The following LYPD6 variants were observed in gnomAD, a reference collection of about 807,000 sequenced individuals.
LYPD6 encodes ly6/PLAUR domain-containing protein 6.
Under a neutral mutation model 22.7 loss-of-function variants are expected in LYPD6, and 15 were observed. The observed-to-expected ratio is 0.66, with a 90% CI of 0.44 to 1.02. The LOEUF is 1.02. Among genes scored for constraint, LYPD6 ranks in the 50% least tolerant of loss-of-function variants. The pLI is 0.00. For missense variants in LYPD6, 189 were observed against 208.4 expected (o/e 0.91, Z 0.57); for synonymous variants, 72 against 77.5 (o/e 0.93, Z 0.37).
intron 3 of LYPD6, chr2:149,464,215 G>A: frequency 5.6e-6 from 2 of 359,288 alleles, no homozygotes; most frequent in African/African-American, 2.3e-5. Context: ...AAGTTAAGAA[G>A]GACTAAGACA....
intron 3 of LYPD6, among the ~76,000 whole-genome samples, chr2:149,450,613 G>A (rs1683784105): frequency 6.6e-6 from 1 of 152,118 alleles, no homozygotes. Context: ...CTGAGTAATC[G>A]AAAATAAGTT....
chr2:149,482,193 T>G, the LYPD6 span, among the ~76,000 whole-genome samples: 1 of 152,228 alleles, frequency 6.6e-6, no homozygotes, highest in Non-Finnish European at 1.5e-5. Context: ...TTTTTAAATT[T>G]TGCCACATTT....
intron 1 of LYPD6, among the ~76,000 whole-genome samples, chr2:149,418,459 A>G (rs556424033): frequency 3.5e-4 from 53 of 152,240 alleles, no homozygotes; most frequent in Non-Finnish European, 7.1e-4. Context: ...AGAAGTTGAA[A>G]TGGGGGACAT....
intron 1 of LYPD6, among the ~76,000 whole-genome samples, chr2:149,404,693 ACTTCCTCTTTTCGTATTTGAATACC>A (rs1435126827): frequency 2.6e-5 from 4 of 152,138 alleles, no homozygotes; most frequent in African/African-American, 9.7e-5. Context: ...GGACAATTTG[ACTTCCTCTTTTCGTATTTGAATACC>A]CTTTATTTCC....
chr2:149,445,793 G>C (rs528229976), intron 2 of LYPD6, among the ~76,000 whole-genome samples: 1 of 152,292 alleles, frequency 6.6e-6, no homozygotes, highest in African/African-American at 2.4e-5. Context: ...CAGCAAAAAG[G>C]CTGTTCTACA....
chr2:149,434,595 T>C (rs751423080), intron 1 of LYPD6, among the ~76,000 whole-genome samples: 32 of 152,192 alleles, frequency 2.1e-4, no homozygotes, highest in Non-Finnish European at 4.6e-4. Context: ...TTATCACTCA[T>C]CTCTTATGGC....
intron 1 of LYPD6, among the ~76,000 whole-genome samples, chr2:149,362,975 G>C (rs948339617): frequency 6.6e-6 from 1 of 152,160 alleles, no homozygotes; most frequent in Non-Finnish European, 1.5e-5. Flanking sequence ...GAGGGTCAAT[G>C]ATCTGCTTCA....
chr2:149,406,835 C>G (rs1354991466), intron 1 of LYPD6, among the ~76,000 whole-genome samples: 2 of 152,188 alleles, frequency 1.3e-5, no homozygotes, highest in Non-Finnish European at 2.9e-5. Flanking sequence ...CCTCAATGGT[C>G]TTTACAATTT....
At chr2:149,383,336 C>G (rs1682110460) in intron 1 of LYPD6, among the ~76,000 whole-genome samples, 1 of 152,118 alleles carries the variant, frequency 6.6e-6, no homozygotes, top group Non-Finnish European at 1.5e-5. Flanking sequence ...ATAAACTTAA[C>G]CACATCTTTT....
intron 1 of LYPD6, among the ~76,000 whole-genome samples, chr2:149,429,228 G>T (rs891884495): frequency 6.6e-6 from 1 of 152,306 alleles, no homozygotes; most frequent in African/African-American, 2.4e-5. Context: ...TCCAAAGATG[G>T]ACCTCCCTCC....
intron 2 of LYPD6, chr2:149,440,340 A>G (rs374576039): frequency 7.6e-4 from 125 of 164,552 alleles, no homozygotes; most frequent in African/African-American, 2.9e-3. Context: ...AAAAGAATCA[A>G]ATTGTTCCTA....
At chr2:149,353,262 G>A (rs1308989720) in intron 1 of LYPD6, among the ~76,000 whole-genome samples, 1 of 152,158 alleles carries the variant, frequency 6.6e-6, no homozygotes, top group Non-Finnish European at 1.5e-5. Flanking sequence ...CTCACCTAGA[G>A]ACAACTTAGA....
At chr2:149,367,117 G>T (rs923685206) in intron 1 of LYPD6, among the ~76,000 whole-genome samples, 1 of 151,900 alleles carries the variant, frequency 6.6e-6, no homozygotes, top group East Asian at 1.9e-4. Flanking sequence ...ATAACAAATT[G>T]CCACAAGTAA....
intron 1 of LYPD6, among the ~76,000 whole-genome samples, chr2:149,378,555 T>C (rs1445645181): frequency 6.6e-6 from 1 of 152,262 alleles, no homozygotes; most frequent in Non-Finnish European, 1.5e-5. Flanking sequence ...ATGTCTCTTA[T>C]CTGTAAGGTG....
chr2:149,464,248 G>A, intron 3 of LYPD6: 1 of 309,806 alleles, frequency 3.2e-6, no homozygotes, highest in South Asian at 2.9e-5. Flanking sequence ...GAGAAGATTA[G>A]CATTGACCTG....
At chr2:149,464,789 A>G (rs1681165230) in intron 3 of LYPD6, among the ~76,000 whole-genome samples, 1 of 152,204 alleles carries the variant, frequency 6.6e-6, no homozygotes, top group Admixed American at 6.5e-5. Flanking sequence ...CAGATGGATA[A>G]TGGAGACATT....
intron 1 of LYPD6, among the ~76,000 whole-genome samples, chr2:149,360,130 A>G (rs1681543580): frequency 6.6e-6 from 1 of 152,202 alleles, no homozygotes; most frequent in African/African-American, 2.4e-5. Context: ...GTAAACTGTC[A>G]TGGTGCTGTT....
At chr2:149,454,243 CTG>C (rs1296172446) in intron 3 of LYPD6, among the ~76,000 whole-genome samples, 2 of 152,176 alleles carry the variant, frequency 1.3e-5, no homozygotes, top group African/African-American at 2.4e-5. Flanking sequence ...AGTGAACATG[CTG>C]TGTTTCCACC....
At position 149,428,680 on chromosome 2, in the gene LYPD6, C is replaced by G. The variant is rs536990772; in HGVS notation, c.-71-8958C>G. Among the ~76,000 whole-genome samples the G allele has an allele frequency of 2.4e-4, 37 of 152,292 alleles. No homozygotes were observed. In the South Asian group the frequency reaches 7.5e-3, roughly 31 times the overall value. ...GGCTTAGCCATGTAAGAATGTGAAA[C>G]TCTTCAATAGTTACACATGATTGGT... On this transcript the variant is annotated intron_variant, in intron 1 of 4. Coordinates refer to ENST00000334166, the MANE Select transcript of LYPD6 (RefSeq NM_194317.5).
Sources: allele counts gnomAD v4.1 joint callset (sites outside exome capture counted in the v4.1 genomes callset), GRCh38; gene constraint gnomAD v4.1.1; transcripts MANE v1.5; gene names NCBI Gene and HGNC (gene_info 2026-07-23, HGNC 2026-07-21).